Variants in SGCD observed in about 807,000 individuals in gnomAD.
SGCD encodes the protein sarcoglycan delta, also known as delta-sarcoglycan.
Under a neutral mutation model 36.6 loss-of-function variants are expected in SGCD, and 18 were observed. That is an observed-to-expected ratio of 0.49 (90% CI 0.34 to 0.73). The LOEUF (loss-of-function observed/expected upper bound fraction) is 0.73. SGCD is among the 30% of genes least tolerant of loss of function. SGCD has a pLI of 0.01. For missense variants in SGCD, 387 were observed against 346.7 expected (o/e 1.12, Z -0.92); for synonymous variants, 133 against 130.6 (o/e 1.02, Z -0.12).
intron 5 of SGCD, among the ~76,000 whole-genome samples, chr5:156,594,138 T>A (rs1032819951): frequency 1.3e-5 from 2 of 152,206 alleles, no homozygotes; most frequent in Non-Finnish European, 2.9e-5. Flanking sequence ...TTCTAGCTCA[T>A]CAACCTGGTT....
intron 3 of SGCD, among the ~76,000 whole-genome samples, chr5:156,250,545 A>G (rs1765548952): frequency 6.6e-6 from 1 of 152,310 alleles, no homozygotes; most frequent in South Asian, 2.1e-4. Context: ...TGAGGCTCAC[A>G]CTGCTCTAGT....
intron 7 of SGCD, among the ~76,000 whole-genome samples, chr5:156,660,503 A>G (rs1763876050): frequency 6.6e-6 from 1 of 152,214 alleles, no homozygotes; most frequent in Non-Finnish European, 1.5e-5. Flanking sequence ...AAACACAAGC[A>G]AAACCTCTCC....
chr5:156,099,917 G>A (rs1393546326), intron 1 of SGCD, among the ~76,000 whole-genome samples: 2 of 144,918 alleles, frequency 1.4e-5, no homozygotes, highest in Non-Finnish European at 3.0e-5. Flanking sequence ...TGAAAACATT[G>A]TCAAAATTTT....
intron 6 of SGCD, among the ~76,000 whole-genome samples, chr5:156,642,167 C>T (rs1415475483): frequency 1.3e-5 from 2 of 152,128 alleles, no homozygotes; most frequent in Non-Finnish European, 2.9e-5. Flanking sequence ...CCATCATGGG[C>T]ACTCTACCCT....
chr5:156,067,705 C>T lies in SGCD; in HGVS notation c.-281-50173C>T, dbSNP rs1193663916. Among the ~76,000 whole-genome samples, 3 of 127,034 alleles carry T rather than the reference C, an allele frequency of 2.4e-5. 1 individual carries two copies. Among genetic ancestry groups the T allele is most frequent in the Non-Finnish European group, 4.7e-5 (3 of 64,200 alleles). The allele number at this position is 127,034 out of a possible 152,430, so 83.3% of individuals were successfully genotyped here. A position where few individuals can be genotyped will look rare whatever the true frequency, so the allele number is the denominator to read the frequency against. Reference sequence around the variant, plus strand: ...TTCGGGTGGGAGTGACCCTATTTTCCAGGTGCGACCATCACCCCTTTCTTT... The same window carrying T: ...TTCGGGTGGGAGTGACCCTATTTTCTAGGTGCGACCATCACCCCTTTCTTT... On this transcript the variant is annotated intron_variant, in intron 1 of 9. Transcript: ENST00000517913.
At chr5:156,222,863 G>A (rs140780066) in intron 3 of SGCD, among the ~76,000 whole-genome samples, 10 of 151,982 alleles carry the variant, frequency 6.6e-5, no homozygotes, top group African/African-American at 2.2e-4. Context: ...TTCCTACTTA[G>A]TACAAATGTT....
chr5:156,106,600 A>G (rs1355342931), intron 1 of SGCD, among the ~76,000 whole-genome samples: 1 of 152,246 alleles, frequency 6.6e-6, no homozygotes, highest in Non-Finnish European at 1.5e-5. Context: ...TTAATCTTCA[A>G]GAAATACTGA....
chr5:156,643,177 A>C (rs868434780), intron 6 of SGCD, among the ~76,000 whole-genome samples: 1 of 151,660 alleles, frequency 6.6e-6, no homozygotes, highest in African/African-American at 2.4e-5. Flanking sequence ...GGATTACAGG[A>C]ATGCACCACC....
intron 3 of SGCD, among the ~76,000 whole-genome samples, chr5:156,449,867 A>AAG (rs1753930675): frequency 2.0e-5 from 3 of 151,378 alleles, no homozygotes; most frequent in African/African-American, 7.3e-5. Context: ...AAAAAAAAAA[A>AAG]AAAAAGAAAC....
intron 4 of SGCD, among the ~76,000 whole-genome samples, chr5:156,524,287 TTATA>T (rs5872468): frequency 3.1e-5 from 4 of 130,172 alleles, no homozygotes; most frequent in African/African-American, 5.7e-5. Flanking sequence ...ATATATATAG[TTATA>T]TATATATATA....
At chr5:156,270,481 T>C in intron 3 of SGCD, among the ~76,000 whole-genome samples, 1 of 152,218 alleles carries the variant, frequency 6.6e-6, no homozygotes, top group East Asian at 1.9e-4. Context: ...TAAAATATCA[T>C]ATGTTATAAA....
chr5:155,919,133 A>G (rs1037076431), intron 1 of SGCD, among the ~76,000 whole-genome samples: 3 of 152,238 alleles, frequency 2.0e-5, no homozygotes, highest in Non-Finnish European at 4.4e-5. Context: ...CGAGAAAACT[A>G]AAAATAACAT....
At chr5:156,043,362 T>TA (rs1370995591) in intron 1 of SGCD, among the ~76,000 whole-genome samples, 1 of 152,210 alleles carries the variant, frequency 6.6e-6, no homozygotes, top group East Asian at 1.9e-4. Flanking sequence ...GTTATTTTTT[T>TA]ATCATACTGA....
intron 3 of SGCD, among the ~76,000 whole-genome samples, chr5:156,234,857 C>G (rs1174396210): frequency 6.6e-6 from 1 of 152,074 alleles, no homozygotes; most frequent in Non-Finnish European, 1.5e-5. Context: ...GATAAAGGAA[C>G]TAGGTAGGGT....
chr5:156,498,935 C>CCTGTGTGTGTGTGTGTGTGT (rs149269957), intron 3 of SGCD, among the ~76,000 whole-genome samples: 1 of 149,346 alleles, frequency 6.7e-6, no homozygotes, highest in Admixed American at 6.7e-5. Flanking sequence ...ATGTGTGCTA[C>CCTGTGTGTGTGTGTGTGTGT]GTGTGTGTGT....
intron 3 of SGCD, among the ~76,000 whole-genome samples, chr5:156,215,196 T>C (rs754510292): frequency 5.3e-5 from 8 of 152,100 alleles, no homozygotes; most frequent in African/African-American, 9.7e-5. Context: ...AAATACTTCT[T>C]GTCTCAAGCA....
intron 3 of SGCD, among the ~76,000 whole-genome samples, chr5:156,148,056 C>T (rs1257287254): frequency 6.6e-6 from 1 of 152,112 alleles, no homozygotes; most frequent in Admixed American, 6.6e-5. Flanking sequence ...TGTTTTTCTG[C>T]CGCTAGAACT....
intron 6 of SGCD, among the ~76,000 whole-genome samples, chr5:156,598,924 T>C (rs1488734618): frequency 6.6e-6 from 1 of 152,240 alleles, no homozygotes; most frequent in Non-Finnish European, 1.5e-5. Context: ...TTTGTGATAT[T>C]TCATTTAGAG....
chr5:155,852,380 G>A, the SGCD span, among the ~76,000 whole-genome samples: 1 of 152,074 alleles, frequency 6.6e-6, no homozygotes, highest in Non-Finnish European at 1.5e-5. Context: ...TTTGGTGTGT[G>A]CAGATAAGGT....
Sources: gnomAD v4.1 joint callset for allele counts (sites outside exome capture counted in the v4.1 genomes callset) on GRCh38, gnomAD v4.1.1 for gene constraint, MANE v1.5 for transcripts, NCBI Gene and HGNC (gene_info 2026-07-23, HGNC 2026-07-21) for gene names.